Variants in TSNARE1 observed in about 807,000 individuals in gnomAD.
TSNARE1 encodes the protein t-SNARE domain-containing protein 1.
A neutral mutation model predicts 62.0 loss-of-function variants in TSNARE1; 49 were observed. The ratio of observed to expected loss-of-function variants is 0.79; its 90% CI spans 0.63 to 1.00. The LOEUF is 1.00. Ranked by LOEUF, TSNARE1 falls within the 50% of genes least tolerant of loss-of-function variation. The pLI is 0.00. For missense variants in TSNARE1, 755 were observed against 700.1 expected (o/e 1.08, Z -0.88); for synonymous variants, 328 against 294.4 (o/e 1.11, Z -1.17).
intron 9 of TSNARE1, among the ~76,000 whole-genome samples, chr8:142,304,938 C>T (rs964133232): frequency 1.3e-5 from 2 of 152,318 alleles, no homozygotes; most frequent in African/African-American, 2.4e-5. Context: ...ACTGGGGTCC[C>T]GTGGCCTGGG....
At chr8:142,279,746 T>C (rs1821103239) in intron 11 of TSNARE1, 1 of 429,968 alleles carries the variant, frequency 2.3e-6, no homozygotes, top group Non-Finnish European at 3.1e-6. Context: ...TGGGTCTCCC[T>C]CGGAGGGTCT....
At chr8:142,358,044 G>A (rs9644554) in intron 1 of TSNARE1, among the ~76,000 whole-genome samples, 41 of 111,116 alleles carry the variant, frequency 3.7e-4, no homozygotes, top group African/African-American at 9.2e-4. Flanking sequence ...GACAAGGGGA[G>A]CAGCCAGCGG....
intron 11 of TSNARE1, chr8:142,280,230 G>A: frequency 1.0e-6 from 1 of 985,408 alleles, no homozygotes; most frequent in Non-Finnish European, 1.2e-6. Context: ...CCGGCCGCAG[G>A]GGTGTGGAGC....
intron 9 of TSNARE1, among the ~76,000 whole-genome samples, chr8:142,305,172 C>T (rs1334555272): frequency 6.6e-6 from 1 of 152,170 alleles, no homozygotes; most frequent in East Asian, 1.9e-4. Flanking sequence ...GAAGGCACCA[C>T]AGGACGTTCT....
intron 1 of TSNARE1, among the ~76,000 whole-genome samples, chr8:142,361,437 G>GGCA (rs1835155112): frequency 6.6e-6 from 1 of 152,166 alleles, no homozygotes; most frequent in South Asian, 2.1e-4. Flanking sequence ...CAGGACACAC[G>GGCA]GCAGCAGAGG....
intron 3 of TSNARE1, among the ~76,000 whole-genome samples, chr8:142,345,145 G>A (rs568387173): frequency 2.2e-4 from 34 of 152,376 alleles, no homozygotes; most frequent in African/African-American, 7.7e-4. Flanking sequence ...AAGTCTCTGC[G>A]TCTTTGCTCA....
At chr8:142,325,345 A>G (rs1830044367) in intron 6 of TSNARE1, among the ~76,000 whole-genome samples, 1 of 152,234 alleles carries the variant, frequency 6.6e-6, no homozygotes, top group African/African-American at 2.4e-5. Context: ...CATCCTGAGC[A>G]GGAACTGATG....
intron 1 of TSNARE1, among the ~76,000 whole-genome samples, chr8:142,368,132 TAA>T (rs528049154): frequency 6.2e-5 from 9 of 144,850 alleles, no homozygotes; most frequent in Admixed American, 6.2e-4. Flanking sequence ...TCTGCATGGT[TAA>T]AAAAAAAAAG....
intron 12 of TSNARE1, among the ~76,000 whole-genome samples, chr8:142,250,723 C>A (rs1017934793): frequency 2.6e-4 from 39 of 152,202 alleles, no homozygotes; most frequent in South Asian, 6.2e-4. Context: ...ACACCGAGGG[C>A]ATGGCAGCAC....
intron 1 of TSNARE1, among the ~76,000 whole-genome samples, chr8:142,391,905 G>A (rs1243244040): frequency 6.6e-6 from 1 of 152,256 alleles, no homozygotes; most frequent in African/African-American, 2.4e-5. Flanking sequence ...CCTAGCGGGT[G>A]TAAGCACCAC....
intron 12 of TSNARE1, among the ~76,000 whole-genome samples, chr8:142,256,879 C>G (rs1349505185): frequency 6.6e-6 from 1 of 152,176 alleles, no homozygotes; most frequent in Non-Finnish European, 1.5e-5. Context: ...AGGGGCTTTT[C>G]TTGGTGAATG....
At chr8:142,282,433 G>C (rs1563821423) in intron 11 of TSNARE1, among the ~76,000 whole-genome samples, 1 of 150,418 alleles carries the variant, frequency 6.6e-6, no homozygotes, top group Non-Finnish European at 1.5e-5. Context: ...AATGAGCGGA[G>C]CAGGGGCCAG....
intron 1 of TSNARE1, among the ~76,000 whole-genome samples, chr8:142,390,985 A>T: frequency 9.3e-6 from 1 of 107,460 alleles, no homozygotes; most frequent in East Asian, 3.5e-4. Context: ...TGGGGACTCT[A>T]TAGCAGACGC....
chr8:142,297,994 G>T (rs1022113636), intron 10 of TSNARE1, among the ~76,000 whole-genome samples: 1 of 152,148 alleles, frequency 6.6e-6, no homozygotes, highest in African/African-American at 2.4e-5. Flanking sequence ...AGGCTAGAAG[G>T]GCCAGGCTGG....
chr8:142,360,207 A>G (rs11985755), intron 1 of TSNARE1, among the ~76,000 whole-genome samples: 73,129 of 152,024 alleles, frequency 0.48, 20,585 homozygotes, highest in African/African-American at 0.77. Flanking sequence ...GACCCAGCCA[A>G]GGCTAGCACT....
chr8:142,246,655 C>G lies in TSNARE1; in HGVS notation c.1447-17076G>C, dbSNP rs566916580. Among the ~76,000 whole-genome samples, 20 of 152,248 alleles carry G rather than the reference C, an allele frequency of 1.3e-4. No individual in the cohort carries two copies. The South Asian group carries it at 4.2e-3, about 32-fold the overall frequency. On this transcript the variant is annotated intron_variant, in intron 12 of 13. Transcript: ENST00000524325. ...CCTCTTGGCTTCCCTGAGCCCTGGG[C>G]CCCTCGTCTTCCCCGTGGAGGCTGG...
At chr8:142,396,002 CTCTT>C in intron 1 of TSNARE1, among the ~76,000 whole-genome samples, 1 of 151,454 alleles carries the variant, frequency 6.6e-6, no homozygotes, top group Non-Finnish European at 1.5e-5. Flanking sequence ...GCCTGTGGCT[CTCTT>C]TGTCCGTGGC....
chr8:142,256,250 CCATCAT>C (rs1304593705), intron 12 of TSNARE1, among the ~76,000 whole-genome samples: 3 of 124,472 alleles, frequency 2.4e-5, no homozygotes, highest in Admixed American at 7.9e-5. Flanking sequence ...ATCACCATCA[CCATCAT>C]CACCATCACC....
At chr8:142,315,411 GCCCTGAGT>G (rs1307016197) in intron 7 of TSNARE1, among the ~76,000 whole-genome samples, 33 of 152,372 alleles carry the variant, frequency 2.2e-4, no homozygotes, top group Middle Eastern at 3.4e-3. Flanking sequence ...GGACGTCGTG[GCCCTGAGT>G]CCCGAGTGAC....
Sources: allele counts gnomAD v4.1 joint callset (sites outside exome capture counted in the v4.1 genomes callset), GRCh38; gene constraint gnomAD v4.1.1; transcripts MANE v1.5; gene names NCBI Gene and HGNC (gene_info 2026-07-23, HGNC 2026-07-21).